Variants in OTOGL observed in about 807,000 individuals in gnomAD.
The protein encoded by OTOGL is otogelin-like protein.
A neutral mutation model predicts 318.5 loss-of-function variants in OTOGL; 285 were observed. That is an observed-to-expected ratio of 0.89 (90% confidence interval 0.81 to 0.99). The LOEUF is 0.99. OTOGL is among the 50% of genes least tolerant of loss of function. The pLI, the probability that OTOGL is intolerant of heterozygous loss-of-function variation, is 0.00. For missense variants in OTOGL, 2,899 were observed against 2,845.6 expected (o/e 1.02, Z -0.43); for synonymous variants, 987 against 936.5 (o/e 1.05, Z -0.99).
chr12:80,340,573 A>C (rs1014710390), intron 43 of OTOGL, among the ~76,000 whole-genome samples: 2 of 152,112 alleles, frequency 1.3e-5, no homozygotes, highest in Non-Finnish European at 2.9e-5. Flanking sequence ...TGCTAGCTGG[A>C]TTCTTAACTA....
chr12:80,170,068 G>A (rs1874086380), intron 1 of OTOGL, among the ~76,000 whole-genome samples: 1 of 152,056 alleles, frequency 6.6e-6, no homozygotes, highest in Non-Finnish European at 1.5e-5. Flanking sequence ...GTTTATCTTT[G>A]TAAGGAACTG....
chr12:80,199,126 GC>G (rs1876288754), intron 1 of OTOGL, among the ~76,000 whole-genome samples: 1 of 151,998 alleles, frequency 6.6e-6, no homozygotes, highest in Admixed American at 6.6e-5. Flanking sequence ...TCTTACAATG[GC>G]CCAAAGCACT....
chr12:80,185,580 C>T (rs571369767), intron 1 of OTOGL, among the ~76,000 whole-genome samples: 1 of 152,328 alleles, frequency 6.6e-6, no homozygotes, highest in South Asian at 2.1e-4. Context: ...TGAGCCACTG[C>T]ACCCGGCCAA....
intron 44 of OTOGL, among the ~76,000 whole-genome samples, chr12:80,346,536 G>T (rs1371802439): frequency 6.6e-6 from 1 of 151,760 alleles, no homozygotes; most frequent in Non-Finnish European, 1.5e-5. Flanking sequence ...ACCTTTTATT[G>T]TGGTAATGTT....
At chr12:80,334,968 G>A (rs1475611962) in intron 38 of OTOGL, among the ~76,000 whole-genome samples, 2 of 152,004 alleles carry the variant, frequency 1.3e-5, no homozygotes, top group Admixed American at 6.6e-5. Flanking sequence ...ATTTTGAAGT[G>A]CTCACTTAAG....
intron 1 of OTOGL, among the ~76,000 whole-genome samples, chr12:80,198,727 T>C (rs1876255809): frequency 6.6e-6 from 1 of 152,224 alleles, no homozygotes; most frequent in Admixed American, 6.5e-5. Flanking sequence ...TCAACTTAAT[T>C]AGTTGTGCCA....
chr12:80,124,584 G>A (rs1273696211), intron 1 of OTOGL, among the ~76,000 whole-genome samples: 2 of 152,160 alleles, frequency 1.3e-5, no homozygotes, highest in Non-Finnish European at 2.9e-5. Context: ...GAAAGGCATT[G>A]GTAGCTTGAT....
chr12:80,308,359 A>G (rs1886372328), intron 29 of OTOGL, among the ~76,000 whole-genome samples: 1 of 131,078 alleles, frequency 7.6e-6, no homozygotes, highest in African/African-American at 2.9e-5. Flanking sequence ...CGCTCCTCAC[A>G]TCCCGGACGG....
intron 7 of OTOGL, among the ~76,000 whole-genome samples, chr12:80,228,325 C>T (rs559689710): frequency 6.6e-6 from 1 of 152,078 alleles, no homozygotes; most frequent in East Asian, 1.9e-4. Flanking sequence ...GCCTATAGCC[C>T]CAGCTACTTG....
Position 80,333,059 on chromosome 12 carries a change from C to G in OTOGL, c.4403C>G (p.Thr1468Ser). The G allele has an allele frequency of 6.2e-7, 1 of 1,600,932 alleles. No individual in the cohort carries two copies. The highest frequency in any genetic ancestry group is 8.5e-7 in the Non-Finnish European group (1 of 1,172,438). The part of the protein sequence containing the change: ...DITVFDMLTP[T>S]TGLECEPQKF... ...ACTGTGTTTGATATGCTAACACCAA[C>G]TACAGGCTTGGAATGTGAGGTATGA... The change falls in exon 38 of 59, where the codon ACT becomes AGT. Residue 1468 changes from threonine to serine, a missense_variant. By Grantham distance (58) the Thr-to-Ser change is moderately conservative. Around this residue, in one of 3 missense-constraint regions of OTOGL, gnomAD observed 2,607 missense variants for 2,524.9 expected, o/e 1.03. Coordinates refer to ENST00000547103, the MANE Select transcript of OTOGL (RefSeq NM_001378609.3).
intron 1 of OTOGL, among the ~76,000 whole-genome samples, chr12:80,108,928 A>ATGTGTATATATATGTG (rs1869656484): frequency 2.8e-4 from 25 of 88,168 alleles, no homozygotes; most frequent in African/African-American, 1.2e-3. Context: ...GTATATATAT[A>ATGTGTATATATATGTG]TGTGTGTGTA....
intron 57 of OTOGL, 85 bp from the exon 58 acceptor site, chr12:80,377,038 C>T: frequency 1.1e-6 from 1 of 873,262 alleles, no homozygotes; most frequent in Non-Finnish European, 1.7e-6. Context: ...CACCAATTTT[C>T]AACTGTAAAT....
At chr12:80,194,749 C>T (rs1875933863) in intron 1 of OTOGL, among the ~76,000 whole-genome samples, 1 of 151,940 alleles carries the variant, frequency 6.6e-6, no homozygotes, top group Non-Finnish European at 1.5e-5. Context: ...ATTTATTTTG[C>T]CCAGATTTAT....
At chr12:80,345,576 T>C (rs1348970118) in intron 44 of OTOGL, among the ~76,000 whole-genome samples, 1 of 152,106 alleles carries the variant, frequency 6.6e-6, no homozygotes, top group African/African-American at 2.4e-5. Context: ...GAAAATATAA[T>C]TTTTCATCAT....
chr12:80,254,938 A>T, intron 15 of OTOGL, 102 bp from the exon 16 acceptor site: 1 of 983,666 alleles, frequency 1.0e-6, no homozygotes, highest in Admixed American at 3.7e-5. Flanking sequence ...CCCTAAGTTG[A>T]TCTGCTTTTA....
intron 44 of OTOGL, 55 bp from the exon 45 acceptor site, chr12:80,352,240 G>A: frequency 6.8e-7 from 1 of 1,473,338 alleles, no homozygotes. Flanking sequence ...TCTAGCTTAG[G>A]GCTTTCAGAG....
intron 24 of OTOGL, 119 bp from the exon 25 acceptor site, chr12:80,278,049 G>A: frequency 1.4e-6 from 1 of 730,662 alleles, no homozygotes; most frequent in Non-Finnish European, 2.2e-6. Context: ...AGGTTAGATA[G>A]AGTGCCTTAG....
intron 52 of OTOGL, among the ~76,000 whole-genome samples, chr12:80,359,310 C>T (rs542779630): frequency 1.3e-5 from 2 of 152,124 alleles, no homozygotes; most frequent in South Asian, 2.1e-4. Context: ...GCGTTATCTG[C>T]GAACATGTAA....
intron 1 of OTOGL, among the ~76,000 whole-genome samples, chr12:80,205,600 A>G (rs1464993707): frequency 6.6e-6 from 1 of 152,246 alleles, no homozygotes; most frequent in African/African-American, 2.4e-5. Flanking sequence ...AGTTACATTC[A>G]GAGTGGCAAA....
Sources: allele counts gnomAD v4.1 joint callset (sites outside exome capture counted in the v4.1 genomes callset), GRCh38; gene constraint gnomAD v4.1.1; regional missense constraint gnomAD v4.1.1; transcripts MANE v1.5; gene names NCBI Gene and HGNC (gene_info 2026-07-23, HGNC 2026-07-21).